Variants in KDM2A observed in about 807,000 individuals in gnomAD.
KDM2A encodes lysine demethylase 2A.
Under a neutral mutation model 137.3 loss-of-function variants are expected in KDM2A, and 3 were observed. That is an observed-to-expected ratio of 0.02 (90% CI 0.01 to 0.06). The LOEUF (loss-of-function observed/expected upper bound fraction) is 0.06. KDM2A is among the 10% of genes least tolerant of loss of function. The probability of loss-of-function intolerance (pLI) is 1.00; values close to 1 mark genes in which losing one functional copy is unlikely to be tolerated. For synonymous variants in KDM2A, 512 were observed against 541.5 expected (o/e 0.95, Z 0.76); for missense variants, 738 against 1,510.6 (o/e 0.49, Z 8.48).
chr11:67,213,341 C>A (rs972151592), intron 6 of KDM2A, among the ~76,000 whole-genome samples: 3 of 152,152 alleles, frequency 2.0e-5, no homozygotes, highest in Admixed American at 1.3e-4. Context: ...GTTTGGCTCT[C>A]GAGTTTTACC....
At chr11:67,168,102 C>G (rs1046850112) in intron 2 of KDM2A, among the ~76,000 whole-genome samples, 7 of 151,934 alleles carry the variant, frequency 4.6e-5, no homozygotes, top group African/African-American at 1.7e-4. Flanking sequence ...TTTGTATAAC[C>G]TTTTATTTTA....
chr11:67,200,365 G>A lies in KDM2A; in HGVS notation c.308-7145G>A, dbSNP rs570607108. 3.9e-5 allele frequency among the ~76,000 whole-genome samples: 6 copies of A among 152,120 alleles called. No individual in the cohort carries two copies. In the South Asian group the frequency reaches 6.2e-4, roughly 16 times the overall value. On this transcript the variant is annotated intron_variant, in intron 5 of 20. Transcript: ENST00000529006. ...CGAGTAGCTGGGACTACAGGCGTCC[G>A]CCACCACGTCCGGCTAATTTTTTTC...
chr11:67,211,953 G>A (rs1177667991), intron 6 of KDM2A, among the ~76,000 whole-genome samples: 2 of 152,092 alleles, frequency 1.3e-5, no homozygotes, highest in Non-Finnish European at 2.9e-5. Context: ...CTCAAAGAAA[G>A]ACAAGAAAAT....
At chr11:67,143,873 C>G (rs1171716786) in intron 2 of KDM2A, among the ~76,000 whole-genome samples, 1 of 152,110 alleles carries the variant, frequency 6.6e-6, no homozygotes, top group Non-Finnish European at 1.5e-5. Flanking sequence ...TTCAAGTGAT[C>G]CGCCTGCGTC....
intron 7 of KDM2A, 120 bp downstream of exon 7, chr11:67,215,566 T>C (rs781649335): frequency 4.3e-6 from 3 of 697,220 alleles, no homozygotes; most frequent in Non-Finnish European, 7.6e-6. Flanking sequence ...GATGAATTAT[T>C]TAAAGATGAG....
At chr11:67,142,318 T>A (rs926383215) in intron 2 of KDM2A, among the ~76,000 whole-genome samples, 4 of 147,852 alleles carry the variant, frequency 2.7e-5, no homozygotes, top group African/African-American at 9.9e-5. Flanking sequence ...ATTACAGGCA[T>A]GAGCCACCGC....
At chr11:67,185,520 T>C (rs1857182631) in intron 5 of KDM2A, among the ~76,000 whole-genome samples, 1 of 151,834 alleles carries the variant, frequency 6.6e-6, no homozygotes, top group Non-Finnish European at 1.5e-5. Flanking sequence ...TCCCAGCTAC[T>C]TGGGAGGGCT....
At chr11:67,136,703 C>A (rs1297246053) in intron 2 of KDM2A, among the ~76,000 whole-genome samples, 1 of 152,144 alleles carries the variant, frequency 6.6e-6, no homozygotes, top group African/African-American at 2.4e-5. Flanking sequence ...GGGACCAGGT[C>A]TGGGGCCCTA....
intron 5 of KDM2A, among the ~76,000 whole-genome samples, chr11:67,191,779 G>T (rs1857360361): frequency 6.6e-6 from 1 of 152,170 alleles, no homozygotes; most frequent in Admixed American, 6.5e-5. Context: ...CAGGAACAGC[G>T]TAAAGGCGCC....
intron 2 of KDM2A, among the ~76,000 whole-genome samples, chr11:67,125,716 T>C (rs1454120668): frequency 1.4e-5 from 2 of 147,094 alleles, no homozygotes; most frequent in Non-Finnish European, 3.0e-5. Flanking sequence ...GAGGTGGAGG[T>C]TGCACTAAGC....
chr11:67,226,677 G>A (rs977458714), intron 10 of KDM2A, among the ~76,000 whole-genome samples: 3 of 152,076 alleles, frequency 2.0e-5, no homozygotes, highest in Non-Finnish European at 2.9e-5. Context: ...AGCCGAGATC[G>A]CGCCACTGCA....
intron 5 of KDM2A, among the ~76,000 whole-genome samples, chr11:67,197,585 T>A (rs1857512826): frequency 6.6e-6 from 1 of 152,244 alleles, no homozygotes; most frequent in Non-Finnish European, 1.5e-5. Context: ...GCTCTTCTTT[T>A]CAGCCTGTGG....
intron 2 of KDM2A, among the ~76,000 whole-genome samples, chr11:67,147,992 T>C (rs1486110130): frequency 3.3e-5 from 5 of 151,982 alleles, no homozygotes; most frequent in African/African-American, 1.2e-4. Flanking sequence ...TAGAGAGTCT[T>C]ATAGCAAATG....
At chr11:67,235,899 T>C (rs1858858574) in intron 12 of KDM2A, among the ~76,000 whole-genome samples, 1 of 152,180 alleles carries the variant, frequency 6.6e-6, no homozygotes, top group African/African-American at 2.4e-5. Context: ...ATTACAGGCG[T>C]GAGCCACTGC....
chr11:67,203,156 C>A (rs1394551324), intron 5 of KDM2A, among the ~76,000 whole-genome samples: 1 of 152,172 alleles, frequency 6.6e-6, no homozygotes, highest in Admixed American at 6.6e-5. Context: ...TTATGACTCA[C>A]TGAAGGCTCA....
intron 2 of KDM2A, among the ~76,000 whole-genome samples, chr11:67,151,770 G>A (rs1394767203): frequency 6.6e-6 from 1 of 152,020 alleles, no homozygotes; most frequent in East Asian, 1.9e-4. Context: ...TATAGAGACA[G>A]GGTTTCACTC....
chr11:67,213,108 T>TAC lies in KDM2A; in HGVS notation c.487-2232_487-2231insAC, dbSNP rs535263728. ...CCTCATCTTGTTTGTTTCTTCCATG[T>TAC]CAGTGGTGATGCTTTCTAAACACTC... On this transcript the variant is annotated intron_variant, in intron 6 of 20. Transcript: ENST00000529006. 3.1e-3 allele frequency among the ~76,000 whole-genome samples: 478 copies of TAC among 152,328 alleles called. 2 individuals carry two copies. Among genetic ancestry groups the TAC allele is most frequent in the African/African-American group, 0.011 (452 of 41,574 alleles).
At chr11:67,126,220 TG>T (rs1397549892) in intron 2 of KDM2A, among the ~76,000 whole-genome samples, 1 of 143,900 alleles carries the variant, frequency 6.9e-6, no homozygotes, top group Non-Finnish European at 1.5e-5. Context: ...CACTCCAGCC[TG>T]GGGAACAAGA....
At chr11:67,180,548 C>T (rs1334638986) in intron 3 of KDM2A, 1 of 194,806 alleles carries the variant, frequency 5.1e-6, no homozygotes, top group Non-Finnish European at 1.0e-5. Flanking sequence ...ATATATCTAC[C>T]CCACCAAAAC....
Sources: gnomAD v4.1 joint callset for allele counts (sites outside exome capture counted in the v4.1 genomes callset) on GRCh38, gnomAD v4.1.1 for gene constraint, MANE v1.5 for transcripts, NCBI Gene and HGNC (gene_info 2026-07-23, HGNC 2026-07-21) for gene names.